SYNJ1: variants seen among roughly 807,000 people sequenced by gnomAD.
SYNJ1 encodes the protein synaptojanin 1, also known as polyphosphatidylinositol phosphatase SYNJ1.
SYNJ1 carries 78 observed loss-of-function variants against 168.2 expected under a neutral mutation model. The ratio of observed to expected loss-of-function variants is 0.46; its 90% CI spans 0.39 to 0.56. The LOEUF (loss-of-function observed/expected upper bound fraction) is 0.56, where lower values mean the gene tolerates loss of function less well. Among genes scored for constraint, SYNJ1 ranks in the 20% least tolerant of loss-of-function variants. The probability of loss-of-function intolerance (pLI) is 0.00; values close to 1 mark genes in which losing one functional copy is unlikely to be tolerated. For synonymous variants in SYNJ1, 539 were observed against 548.6 expected, an observed-to-expected ratio of 0.98 and a Z score of 0.24; for missense variants, 1,303 against 1,597.6, an observed-to-expected ratio of 0.82 and a Z score of 3.14.
chr21:32,695,309 G>A, intron 4 of SYNJ1, 27 bp from the exon 5 acceptor site: 5 of 1,596,348 alleles, frequency 3.1e-6, no homozygotes, highest in South Asian at 1.1e-5. Flanking sequence ...TAAATGATTA[G>A]CTTATGGAAT....
chr21:32,693,556 A>G (rs2042102628), intron 6 of SYNJ1, among the ~76,000 whole-genome samples: 1 of 152,210 alleles, frequency 6.6e-6, no homozygotes, highest in African/African-American at 2.4e-5. Context: ...TATAGGCTGA[A>G]GCACCAAACT....
In SYNJ1 at chr21:32,630,933, G is replaced by A. The variant is rs2145653245; in HGVS notation, c.*872C>T. ...TTATTGCACATAATGAAATACTAAT[G>A]CCCAATTCTCTTAGCTCTATCCTGC... On this transcript the variant is annotated 3_prime_UTR_variant, in exon 33 of 33. Coordinates refer to ENST00000674351, the MANE Select transcript of SYNJ1 (RefSeq NM_203446.3). 6.8e-7 allele frequency: 1 copy of A among 1,466,360 alleles called. No individual in the cohort carries two copies. The highest frequency in any genetic ancestry group is 1.8e-4 in the Middle Eastern group (1 of 5,518). 90.8% of individuals were successfully genotyped at this position (1,466,360 alleles called of 1,614,324 possible). A position where few individuals can be genotyped will look rare whatever the true frequency, so the allele number is the denominator to read the frequency against.
rs1601346051 is a variant in SYNJ1, at chr21:32,666,052, T to G, written c.2036A>C (p.His679Pro). The G allele has an allele frequency of 6.2e-7, 1 of 1,614,154 alleles. No individual in the cohort carries two copies. Among genetic ancestry groups the G allele is most frequent in the Non-Finnish European group, 8.5e-7 (1 of 1,179,996 alleles). Residue 679 changes from histidine to proline, a missense_variant, in exon 17 of 33, where the codon CAT becomes CCT. Around this residue, in one of 2 missense-constraint regions of SYNJ1, gnomAD observed 920 missense variants for 1,208.8 expected, o/e 0.76. Transcript: ENST00000674351. Reference sequence around the variant, plus strand: ...ACAGACGAAGCAAAGGCTGGTTGTATGGAAGAGCATTCGGATTGCAACTGC... The same window carrying G: ...ACAGACGAAGCAAAGGCTGGTTGTAGGGAAGAGCATTCGGATTGCAACTGC... ...KGAVAIRMLF[H>P]TTSLCFVCSH...
chr21:32,692,106 T>G (rs1264074173), intron 6 of SYNJ1, among the ~76,000 whole-genome samples: 1 of 152,152 alleles, frequency 6.6e-6, no homozygotes, highest in African/African-American at 2.4e-5. Flanking sequence ...ATGAAAACCT[T>G]AACTCAGAGG....
chr21:32,669,376 A>G (rs113608411), intron 15 of SYNJ1, among the ~76,000 whole-genome samples: 15 of 152,332 alleles, frequency 9.8e-5, no homozygotes, highest in East Asian at 3.9e-4. Context: ...GAAAACTTGT[A>G]TCTGCTACCA....
intron 7 of SYNJ1, 65 bp downstream of exon 7, chr21:32,688,241 A>C: frequency 1.4e-6 from 2 of 1,472,798 alleles, no homozygotes; most frequent in Non-Finnish European, 1.8e-6. Flanking sequence ...GTGAATCAGT[A>C]AATACAAGCA....
chr21:32,691,996 A>G (rs1382721992), intron 6 of SYNJ1, among the ~76,000 whole-genome samples: 1 of 152,200 alleles, frequency 6.6e-6, no homozygotes, highest in African/African-American at 2.4e-5. Flanking sequence ...CACGCATAAC[A>G]TATATATCAA....
chr21:32,705,605 T>C (rs2042577950), intron 2 of SYNJ1, among the ~76,000 whole-genome samples: 1 of 152,014 alleles, frequency 6.6e-6, no homozygotes, highest in South Asian at 2.1e-4. Context: ...GAAAGTCTCA[T>C]GAGGAATGGG....
chr21:32,634,543 G>T lies in SYNJ1; in HGVS notation c.*3+318C>A, dbSNP rs190869124. ...ACATAAATGCCATTGTTAAAACCAAGAACCGATCTGGTTTTGCCAAAAAGG... is the reference window on the plus strand; with the variant it reads ...ACATAAATGCCATTGTTAAAACCAATAACCGATCTGGTTTTGCCAAAAAGG... On this transcript the variant is annotated intron_variant, in intron 32 of 32. Transcript: ENST00000674351. Among the ~76,000 whole-genome samples, 68 of 152,090 alleles carry T rather than the reference G, an allele frequency of 4.5e-4. 1 individual carries two copies. The highest frequency in any genetic ancestry group is 1.8e-3 in the Admixed American group (27 of 15,282).
Position 32,664,975 on chromosome 21 carries a change from G to A in SYNJ1, c.2242C>T (p.Gln748Ter). 3 of 1,613,408 alleles carry A rather than the reference G, an allele frequency of 1.9e-6. No homozygotes were observed. The highest frequency in any genetic ancestry group is 2.5e-6 in the Non-Finnish European group (3 of 1,179,606). Residue 748 changes from glutamine (Q) to a stop codon, truncating the protein, a stop_gained, in exon 18 of 33, where the codon CAG becomes TAG. Transcript: ENST00000674351. LOFTEE classifies it high-confidence loss of function. ...GCTATAAGAGAATCCCAATTTTGCT[G>A]TCTTATGAGCTCTTTAACTTCTTCG... ...PNEEVKELIR[Q>*]QNWDSLIAGD...
chr21:32,703,375 A>G (rs1039554462), intron 2 of SYNJ1, among the ~76,000 whole-genome samples: 3 of 152,244 alleles, frequency 2.0e-5, no homozygotes, highest in Non-Finnish European at 4.4e-5. Context: ...TGTTTATCCA[A>G]CAGTTGATCC....
intron 29 of SYNJ1, among the ~76,000 whole-genome samples, chr21:32,641,397 C>G (rs1005692373): frequency 6.6e-6 from 1 of 152,128 alleles, no homozygotes; most frequent in Admixed American, 6.5e-5. Flanking sequence ...GGGAAAAATC[C>G]TGTAACAACA....
chr21:32,633,340 G>A (rs1720250054), intron 32 of SYNJ1, among the ~76,000 whole-genome samples: 1 of 152,158 alleles, frequency 6.6e-6, no homozygotes, highest in Admixed American at 6.6e-5. Flanking sequence ...TTGGAGTGGA[G>A]CACAGCCAAG....
intron 17 of SYNJ1, 120 bp from the exon 18 acceptor site, chr21:32,665,191 A>G (rs1201032607): frequency 9.6e-7 from 1 of 1,043,558 alleles, no homozygotes; most frequent in Non-Finnish European, 1.3e-6. Context: ...TTGACCCAAC[A>G]GTAATAACAC....
intron 7 of SYNJ1, among the ~76,000 whole-genome samples, chr21:32,687,502 C>T (rs549887640): frequency 6.6e-6 from 1 of 152,300 alleles, no homozygotes; most frequent in Non-Finnish European, 1.5e-5. Flanking sequence ...GCCCCAAATA[C>T]GAGTCTTTTC....
rs543518791 is a variant in SYNJ1 at position 32,629,759 on chromosome 21, A to G, written c.*2046T>C. The stretch of plus-strand genomic sequence containing the variant: ...GTTTACTTAATGATATCAAAATACT[A>G]CATTCTGTAAAAATTCTGTGTACTT... On this transcript the variant is annotated 3_prime_UTR_variant, in exon 33 of 33. Transcript: ENST00000674351. 6.6e-6 allele frequency: 1 copy of G among 152,490 alleles called. No individual in the cohort carries two copies. The highest frequency in any genetic ancestry group is 2.1e-4 in the South Asian group (1 of 4,832). 9.4% of individuals were successfully genotyped at this position (152,490 alleles called of 1,614,324 possible). A position where few individuals can be genotyped will look rare whatever the true frequency, so the allele number is the denominator to read the frequency against.
At chr21:32,694,957 G>A in intron 5 of SYNJ1, 100 bp downstream of exon 5, 1 of 1,207,800 alleles carries the variant, frequency 8.3e-7, no homozygotes, top group Non-Finnish European at 1.1e-6. Flanking sequence ...CATTATAGAT[G>A]TTAAAATAAG....
intron 30 of SYNJ1, 118 bp downstream of exon 30, chr21:32,639,553 G>A: frequency 1.3e-6 from 1 of 772,542 alleles, no homozygotes; most frequent in Non-Finnish European, 2.1e-6. Flanking sequence ...CATCACCCCT[G>A]GCTAATTTTA....
At chr21:32,646,267 C>T in intron 24 of SYNJ1, 126 bp downstream of exon 24, 1 of 908,996 alleles carries the variant, frequency 1.1e-6, no homozygotes, top group Non-Finnish European at 1.7e-6. Context: ...TACAAGTTTT[C>T]CTATTCTGTA....
Sources: gnomAD v4.1 joint callset for allele counts (sites outside exome capture counted in the v4.1 genomes callset) on GRCh38, gnomAD v4.1.1 for gene constraint, gnomAD v4.1.1 regional missense constraint, MANE v1.5 for transcripts, NCBI Gene and HGNC (gene_info 2026-07-23, HGNC 2026-07-21) for gene names.